The following KATNIP variants were observed in gnomAD, a reference collection of about 807,000 sequenced individuals.
The protein encoded by KATNIP is katanin-interacting protein.
Under a neutral mutation model 174.0 loss-of-function variants are expected in KATNIP, and 126 were observed. The observed-to-expected ratio is 0.72, with a 90% confidence interval of 0.63 to 0.84. KATNIP has a LOEUF of 0.84. Among genes scored for constraint, KATNIP ranks in the 40% least tolerant of loss-of-function variants. The pLI is 0.00. For synonymous variants in KATNIP, 810 were observed against 835.7 expected, an observed-to-expected ratio of 0.97 and a Z score of 0.53; for missense variants, 1,958 against 2,109.7, an observed-to-expected ratio of 0.93 and a Z score of 1.41.
At chr16:27,572,596 C>CTGA (rs2090348764) in intron 1 of KATNIP, among the ~76,000 whole-genome samples, 1 of 152,104 alleles carries the variant, frequency 6.6e-6, no homozygotes, top group Non-Finnish European at 1.5e-5. Flanking sequence ...GACTGGGATT[C>CTGA]TGATTGGCTG....
At chr16:27,634,157 A>G (rs150204407) in intron 5 of KATNIP, among the ~76,000 whole-genome samples, 86 of 152,288 alleles carry the variant, frequency 5.6e-4, no homozygotes, top group African/African-American at 1.9e-3. Flanking sequence ...AACTTGGCCT[A>G]AGATTAATTA....
At chr16:27,593,900 G>A (rs1440400148) in intron 2 of KATNIP, among the ~76,000 whole-genome samples, 3 of 152,114 alleles carry the variant, frequency 2.0e-5, no homozygotes, top group Non-Finnish European at 4.4e-5. Context: ...TATGGTTAGT[G>A]GTGGGGTCAC....
At chr16:27,656,697 C>T (rs1468152195) in intron 6 of KATNIP, among the ~76,000 whole-genome samples, 1 of 147,196 alleles carries the variant, frequency 6.8e-6, no homozygotes, top group Admixed American at 6.9e-5. Context: ...GAACAAAAAA[C>T]CAAACACCGC....
At chr16:27,627,610 T>A (rs1299792625) in intron 3 of KATNIP, among the ~76,000 whole-genome samples, 1 of 152,238 alleles carries the variant, frequency 6.6e-6, no homozygotes, top group Non-Finnish European at 1.5e-5. Context: ...CACGGTGACT[T>A]TCTAGACCGC....
chr16:27,646,294 G>A (rs1444054630), intron 5 of KATNIP, among the ~76,000 whole-genome samples: 7 of 152,190 alleles, frequency 4.6e-5, no homozygotes, highest in African/African-American at 1.7e-4. Flanking sequence ...AGCAGCTCCT[G>A]ATAGACTTCC....
chr16:27,665,632 A>T (rs1190831448), intron 6 of KATNIP, among the ~76,000 whole-genome samples: 2 of 147,686 alleles, frequency 1.4e-5, no homozygotes, highest in African/African-American at 5.0e-5. Flanking sequence ...GAGACAGGAC[A>T]CTCTTTCCCC....
intron 14 of KATNIP, among the ~76,000 whole-genome samples, chr16:27,730,719 T>C (rs2080642972): frequency 6.6e-6 from 1 of 152,006 alleles, no homozygotes; most frequent in South Asian, 2.1e-4. Flanking sequence ...CTTGTGGGGG[T>C]CTCCAGTGAC....
chr16:27,594,694 C>T (rs2075285436), intron 2 of KATNIP, among the ~76,000 whole-genome samples: 1 of 152,142 alleles, frequency 6.6e-6, no homozygotes, highest in South Asian at 2.1e-4. Flanking sequence ...CTCAAGCCAT[C>T]CTCCCACCTT....
chr16:27,572,922 C>A (rs2090361330), intron 1 of KATNIP, among the ~76,000 whole-genome samples: 1 of 152,222 alleles, frequency 6.6e-6, no homozygotes, highest in Non-Finnish European at 1.5e-5. Flanking sequence ...TTTATTCACA[C>A]TTTCTTGGCA....
At chr16:27,758,286 A>C (rs1340178520) in intron 18 of KATNIP, among the ~76,000 whole-genome samples, 1 of 152,088 alleles carries the variant, frequency 6.6e-6, no homozygotes, top group Non-Finnish European at 1.5e-5. Context: ...TTCCTCTGTC[A>C]CCTAGGTCAA....
At chr16:27,552,894 A>T (rs778940044) in intron 1 of KATNIP, among the ~76,000 whole-genome samples, 4 of 151,278 alleles carry the variant, frequency 2.6e-5, no homozygotes, top group Non-Finnish European at 5.9e-5. Context: ...GGGTTTCTCT[A>T]TGTTGGTCAG....
chr16:27,574,023 T>C, intron 2 of KATNIP, 67 bp downstream of exon 2: 1 of 1,437,558 alleles, frequency 7.0e-7, no homozygotes, highest in Middle Eastern at 1.7e-4. Context: ...GGGAGCAGGG[T>C]GGCGAATAAG....
At chr16:27,669,557 A>G (rs2077816204) in intron 6 of KATNIP, among the ~76,000 whole-genome samples, 1 of 152,218 alleles carries the variant, frequency 6.6e-6, no homozygotes, top group Non-Finnish European at 1.5e-5. Context: ...ACAGCATGGT[A>G]TCTCTTTGAA....
chr16:27,757,552 A>G (rs2081783551), intron 18 of KATNIP: 1 of 984,096 alleles, frequency 1.0e-6, no homozygotes, highest in African/African-American at 1.7e-5. Flanking sequence ...CAGAGATGTT[A>G]TTTCAGTGCC....
chr16:27,699,956 G>A (rs943774971), intron 10 of KATNIP, among the ~76,000 whole-genome samples: 1 of 151,904 alleles, frequency 6.6e-6, no homozygotes, highest in African/African-American at 2.4e-5. Flanking sequence ...TGTTGCCCAG[G>A]CAGGAGTGCA....
chr16:27,574,050 C>CT, intron 2 of KATNIP, 94 bp downstream of exon 2: 2 of 1,121,140 alleles, frequency 1.8e-6, no homozygotes, highest in Non-Finnish European at 2.6e-6. Context: ...TAAATATACT[C>CT]TTTTCTCTTG....
At chr16:27,701,859 A>G (rs1221703175) in intron 11 of KATNIP, among the ~76,000 whole-genome samples, 164 bp downstream of exon 11, 1 of 152,024 alleles carries the variant, frequency 6.6e-6, no homozygotes, top group African/African-American at 2.4e-5. Flanking sequence ...CAGTGGCACA[A>G]ACAGCTCACT....
intron 2 of KATNIP, among the ~76,000 whole-genome samples, chr16:27,586,225 A>G (rs1357882431): frequency 6.6e-6 from 1 of 152,220 alleles, no homozygotes; most frequent in Non-Finnish European, 1.5e-5. Flanking sequence ...ATCCCTGTAT[A>G]AAAACATCTC....
intron 5 of KATNIP, 38 bp from the exon 6 acceptor site, chr16:27,648,566 A>G (rs373359166): frequency 3.7e-6 from 6 of 1,612,504 alleles, no homozygotes; most frequent in Non-Finnish European, 5.1e-6. Context: ...TGAAGACCTC[A>G]TTCCACCTTA....
Sources: gnomAD v4.1 joint callset for allele counts (sites outside exome capture counted in the v4.1 genomes callset) on GRCh38, gnomAD v4.1.1 for gene constraint, MANE v1.5 for transcripts, NCBI Gene and HGNC (gene_info 2026-07-23, HGNC 2026-07-21) for gene names.